The following GALNT14 variants were observed in gnomAD, a reference collection of about 807,000 sequenced individuals.
GALNT14 encodes UDP-GalNAc:polypeptide N-acetylgalactosaminyltransferase 14.
Under a neutral mutation model 77.5 loss-of-function variants are expected in GALNT14, and 60 were observed. That is an observed-to-expected ratio of 0.77 (90% CI 0.63 to 0.96). The LOEUF is 0.96. Ranked by LOEUF, GALNT14 falls within the 40% of genes least tolerant of loss-of-function variation. The pLI, the probability that GALNT14 is intolerant of heterozygous loss-of-function variation, is 0.00. For synonymous variants in GALNT14, 280 were observed against 281.7 expected (o/e 0.99, Z 0.06); for missense variants, 710 against 731.0 (o/e 0.97, Z 0.33).
chr2:31,125,286 G>A, intron 1 of GALNT14: 1 of 1,471,812 alleles, frequency 6.8e-7, no homozygotes, highest in Non-Finnish European at 9.3e-7. Flanking sequence ...GAGCAACATG[G>A]TCATTTCTTT....
intron 1 of GALNT14, among the ~76,000 whole-genome samples, chr2:31,007,104 A>G (rs745836672): frequency 6.6e-6 from 1 of 152,168 alleles, no homozygotes; most frequent in Admixed American, 6.5e-5. Context: ...GGCTTTTAAT[A>G]GAAAGGACTC....
intron 1 of GALNT14, among the ~76,000 whole-genome samples, chr2:31,046,842 C>T (rs1406852145): frequency 6.6e-6 from 1 of 152,158 alleles, no homozygotes; most frequent in African/African-American, 2.4e-5. Flanking sequence ...TCACTCGTTT[C>T]AAGTTCATGG....
intron 1 of GALNT14, among the ~76,000 whole-genome samples, chr2:31,119,395 G>A (rs1678271827): frequency 6.6e-6 from 1 of 152,180 alleles, no homozygotes; most frequent in African/African-American, 2.4e-5. Flanking sequence ...AGAAAAATAG[G>A]GAGAGGATAT....
intron 2 of GALNT14, among the ~76,000 whole-genome samples, chr2:30,978,859 C>T (rs1382632821): frequency 6.6e-6 from 1 of 152,162 alleles, no homozygotes; most frequent in East Asian, 1.9e-4. Flanking sequence ...AAGCTGATGT[C>T]TGCAATGCAC....
At chr2:31,049,674 TCAGAGCAGCAGGC>T (rs973908558) in intron 1 of GALNT14, among the ~76,000 whole-genome samples, 3 of 152,150 alleles carry the variant, frequency 2.0e-5, no homozygotes, top group Non-Finnish European at 2.9e-5. Context: ...GCAGCTCTTC[TCAGAGCAGCAGGC>T]CAGCAGCCTG....
the GALNT14 span, among the ~76,000 whole-genome samples, chr2:30,902,359 C>T: frequency 6.6e-6 from 1 of 152,176 alleles, no homozygotes; most frequent in Non-Finnish European, 1.5e-5. Flanking sequence ...GAGTTTTGAA[C>T]CTCCATTTTC....
At chr2:31,002,722 T>C (rs1055838154) in intron 1 of GALNT14, among the ~76,000 whole-genome samples, 1 of 152,144 alleles carries the variant, frequency 6.6e-6, no homozygotes, top group African/African-American at 2.4e-5. Context: ...ATACTGCTAA[T>C]ATAACTCCCA....
rs189034735 is a variant in GALNT14 at position 31,112,250 on chromosome 2, G to A, written c.129+25708C>T. On this transcript the variant is annotated intron_variant, in intron 1 of 14. Coordinates refer to ENST00000349752, the MANE Select transcript of GALNT14 (RefSeq NM_024572.4). ...TGGCTGCTTTCTTAGCCTAAGCACC[G>A]TGTGAACCAGTCCTGGACAAAAACC... is the stretch of plus-strand genomic sequence containing the variant. Among the ~76,000 whole-genome samples the A allele has an allele frequency of 1.4e-4, 21 of 152,296 alleles. No homozygotes were observed. The East Asian group carries it at 3.5e-3, about 25-fold the overall frequency.
downstream of GALNT14, among the ~76,000 whole-genome samples, chr2:30,908,611 A>C (rs1664209009): frequency 7.3e-6 from 1 of 137,850 alleles, no homozygotes; most frequent in South Asian, 2.6e-4. Context: ...AAGAATCAAT[A>C]TCATGAAAAT....
In GALNT14 at chr2:30,929,956, G is replaced by A. The variant is rs187918340; in HGVS notation, c.1059-469C>T. Reference sequence around the variant, plus strand: ...TCTACCTGCATTTTGACTGCAACCCGTCACATGAGGTCAGGTGTGGAATTT... The same window carrying A: ...TCTACCTGCATTTTGACTGCAACCCATCACATGAGGTCAGGTGTGGAATTT... On this transcript the variant is annotated intron_variant, in intron 10 of 14. Coordinates refer to ENST00000349752, the MANE Select transcript of GALNT14 (RefSeq NM_024572.4). Among the ~76,000 whole-genome samples, 559 of 152,262 alleles carry A rather than the reference G, an allele frequency of 3.7e-3. 7 individuals are homozygous for A. The highest frequency in any genetic ancestry group is 0.022 in the South Asian group (105 of 4,816).
At chr2:30,912,412 C>G in intron 13 of GALNT14, 70 bp from the exon 14 acceptor site, 1 of 1,571,180 alleles carries the variant, frequency 6.4e-7, no homozygotes. Context: ...TACAACCACA[C>G]TTACGGGTGT....
At chr2:31,049,578 G>A (rs970767246) in intron 1 of GALNT14, among the ~76,000 whole-genome samples, 20 of 152,220 alleles carry the variant, frequency 1.3e-4, no homozygotes, top group South Asian at 4.1e-4. Context: ...GTGTGGCAGG[G>A]GTGAGGGTGG....
intron 1 of GALNT14, chr2:31,078,808 A>G (rs1675975353): frequency 1.4e-6 from 1 of 724,112 alleles, no homozygotes; most frequent in Non-Finnish European, 2.0e-6. Flanking sequence ...ACAGGCACAC[A>G]AGATGAAGGC....
chr2:31,080,694 T>G (rs1192362561), intron 1 of GALNT14, among the ~76,000 whole-genome samples: 3 of 152,224 alleles, frequency 2.0e-5, no homozygotes, highest in Non-Finnish European at 4.4e-5. Context: ...CCTGTGCAAG[T>G]CACTTCATTT....
In GALNT14 at chr2:30,992,487, C is replaced by T. The variant is rs113258014; in HGVS notation, c.299+351G>A. ...CTTCCCCTACTTTGGAACCCAGCCT[C>T]GGGTGTGGGAATCTGCCAGGGAAAA... On this transcript the variant is annotated intron_variant, in intron 2 of 14. Transcript: ENST00000349752. 7.6e-3 allele frequency among the ~76,000 whole-genome samples: 1,155 copies of T among 152,242 alleles called. 14 individuals carry two copies. The highest frequency in any genetic ancestry group is 0.037 in the Middle Eastern group (11 of 294).
At chr2:30,929,346 C>A (rs758583988) in intron 11 of GALNT14, 49 bp downstream of exon 11, 14 of 1,451,098 alleles carry the variant, frequency 9.6e-6, no homozygotes, top group Non-Finnish European at 1.4e-5. Flanking sequence ...GTCCTAGGAG[C>A]TGGGCTCTTT....
intron 13 of GALNT14, among the ~76,000 whole-genome samples, chr2:30,921,218 T>C (rs535794389): frequency 1.3e-5 from 2 of 152,192 alleles, no homozygotes; most frequent in African/African-American, 4.8e-5. Flanking sequence ...CACTTCTTTA[T>C]GCAGCCAAAG....
intron 2 of GALNT14, among the ~76,000 whole-genome samples, chr2:30,969,365 G>A (rs1015295810): frequency 1.3e-5 from 2 of 152,200 alleles, no homozygotes; most frequent in Non-Finnish European, 2.9e-5. Context: ...CATGCTGGGA[G>A]GCAGGGGGAC....
At chr2:31,055,567 C>T (rs1674156266) in intron 1 of GALNT14, among the ~76,000 whole-genome samples, 1 of 152,164 alleles carries the variant, frequency 6.6e-6, no homozygotes, top group Non-Finnish European at 1.5e-5. Flanking sequence ...TACCGAGTGT[C>T]TGTGCCACTG....
Sources: allele counts gnomAD v4.1 joint callset (sites outside exome capture counted in the v4.1 genomes callset), GRCh38; gene constraint gnomAD v4.1.1; transcripts MANE v1.5; gene names NCBI Gene and HGNC (gene_info 2026-07-23, HGNC 2026-07-21).